ACER3: variants seen among roughly 807,000 people sequenced by gnomAD.
ACER3 encodes the protein alkaline ceramidase 3, also known as alkCDase 3.
ACER3 carries 16 observed loss-of-function variants against 48.9 expected under a neutral mutation model. The ratio of observed to expected loss-of-function variants is 0.33; its 90% CI spans 0.22 to 0.50. The LOEUF (loss-of-function observed/expected upper bound fraction) is 0.50. Ranked by LOEUF, ACER3 falls within the 20% of genes least tolerant of loss-of-function variation. The pLI is 0.98. For synonymous variants in ACER3, 109 were observed against 107.8 expected (o/e 1.01, Z -0.07); for missense variants, 227 against 326.0 (o/e 0.70, Z 2.34).
At chr11:76,904,841 ATGTGTGTGTGTGTG>A in intron 1 of ACER3, among the ~76,000 whole-genome samples, 1 of 147,512 alleles carries the variant, frequency 6.8e-6, no homozygotes. Context: ...TTCTCTATGT[ATGTGTGTGTGTGTG>A]TGTGTGTGTG....
intron 2 of ACER3, among the ~76,000 whole-genome samples, chr11:76,939,662 A>G (rs1444185616): frequency 1.3e-5 from 2 of 152,198 alleles, no homozygotes; most frequent in African/African-American, 2.4e-5. Flanking sequence ...GATATACCAA[A>G]AAGGAAACAT....
At chr11:76,902,971 GTA>G (rs1427321752) in intron 1 of ACER3, among the ~76,000 whole-genome samples, 2 of 152,158 alleles carry the variant, frequency 1.3e-5, no homozygotes, top group Non-Finnish European at 2.9e-5. Flanking sequence ...CCATCTGTAA[GTA>G]TATGTGTAAG....
chr11:76,937,144 TTAA>T (rs1287049874), intron 2 of ACER3, among the ~76,000 whole-genome samples: 8 of 152,248 alleles, frequency 5.3e-5, no homozygotes, highest in Non-Finnish European at 8.8e-5. Flanking sequence ...TTCAGTTTAC[TTAA>T]TAAGAGAAAT....
At chr11:76,867,340 G>A (rs1945115953) in intron 1 of ACER3, among the ~76,000 whole-genome samples, 1 of 151,864 alleles carries the variant, frequency 6.6e-6, no homozygotes, top group Non-Finnish European at 1.5e-5. Flanking sequence ...GTGGTGGTAT[G>A]TGCCTGTAGT....
rs1316422273 is a variant in ACER3, at chr11:77,026,563, C to T, written c.*6236C>T. On this transcript the variant is annotated 3_prime_UTR_variant, in exon 11 of 11. Coordinates refer to ENST00000532485, the MANE Select transcript of ACER3 (RefSeq NM_018367.7). ...TTGTCGCAGATGTTTGTTCTAGTAGCGATTATTTAATAAACATACATTGTA... is the reference window on the plus strand; with the variant it reads ...TTGTCGCAGATGTTTGTTCTAGTAGTGATTATTTAATAAACATACATTGTA... 3.3e-5 allele frequency: 5 copies of T among 152,098 alleles called. No individual in the cohort carries two copies. Among genetic ancestry groups the T allele is most frequent in the Non-Finnish European group, 5.9e-5 (4 of 68,014 alleles). 9.4% of individuals were successfully genotyped at this position (152,098 alleles called of 1,614,324 possible).
chr11:76,912,800 A>G (rs895514881), intron 1 of ACER3, among the ~76,000 whole-genome samples: 3 of 152,198 alleles, frequency 2.0e-5, no homozygotes, highest in Non-Finnish European at 2.9e-5. Flanking sequence ...ACAATAAATC[A>G]TAAAACTATT....
At chr11:76,922,934 G>A (rs1187646257) in intron 1 of ACER3, among the ~76,000 whole-genome samples, 2 of 151,944 alleles carry the variant, frequency 1.3e-5, no homozygotes, top group South Asian at 4.1e-4. Flanking sequence ...TCAGGGTCTA[G>A]CTCAAATCTT....
rs903893796 is a variant in ACER3 at position 77,020,214 on chromosome 11, C to T, written c.751-60C>T. 13 of 1,558,030 alleles carry T rather than the reference C, an allele frequency of 8.3e-6. No homozygotes were observed. In the Admixed American group the frequency reaches 2.0e-4, roughly 24 times the overall value. ...CCATGGATTCTTTCTCATTCTTTTT[C>T]AGGGATAACATGGAACAATTCTGTC... On this transcript the variant is annotated intron_variant, in intron 10 of 10. Transcript: ENST00000532485.
chr11:76,941,030 C>T (rs1947327192), intron 2 of ACER3, among the ~76,000 whole-genome samples: 1 of 135,834 alleles, frequency 7.4e-6, no homozygotes, highest in South Asian at 2.1e-4. Context: ...CACACACACA[C>T]ACACACACAC....
intron 3 of ACER3, among the ~76,000 whole-genome samples, chr11:76,972,863 C>T (rs1948342168): frequency 6.6e-6 from 1 of 152,250 alleles, no homozygotes; most frequent in Non-Finnish European, 1.5e-5. Flanking sequence ...TGTCCAGAGT[C>T]CTCTGCAAAC....
intron 1 of ACER3, among the ~76,000 whole-genome samples, chr11:76,861,682 T>C (rs1944944029): frequency 6.6e-6 from 1 of 152,216 alleles, no homozygotes; most frequent in Admixed American, 6.5e-5. Context: ...ATCTGCTCTC[T>C]GAGTATGATT....
intron 5 of ACER3, among the ~76,000 whole-genome samples, chr11:76,987,925 G>A (rs1948717885): frequency 6.6e-6 from 1 of 152,214 alleles, no homozygotes; most frequent in South Asian, 2.1e-4. Flanking sequence ...GGGTGACAGA[G>A]TGAGGCCCTG....
chr11:76,994,672 G>A (rs911773117), intron 6 of ACER3, among the ~76,000 whole-genome samples: 4 of 152,190 alleles, frequency 2.6e-5, no homozygotes, highest in Non-Finnish European at 5.9e-5. Flanking sequence ...AGAAGTTTGT[G>A]TTTTCAATGT....
intron 2 of ACER3, among the ~76,000 whole-genome samples, chr11:76,940,174 G>T (rs1357249867): frequency 1.3e-5 from 2 of 151,806 alleles, no homozygotes; most frequent in South Asian, 2.1e-4. Flanking sequence ...ATAGAGATGG[G>T]TTCTCACTAT....
chr11:76,871,908 G>GT (rs1436657708), intron 1 of ACER3, among the ~76,000 whole-genome samples: 1 of 152,094 alleles, frequency 6.6e-6, no homozygotes, highest in African/African-American at 2.4e-5. Flanking sequence ...TTGGAATTTG[G>GT]TATCTTGTTG....
chr11:77,021,350 T>A lies in ACER3; in HGVS notation c.*1023T>A, dbSNP rs1057314607. 7 of 152,190 alleles carry A rather than the reference T, an allele frequency of 4.6e-5. No individual in the cohort carries two copies. The highest frequency in any genetic ancestry group is 1.0e-4 in the Non-Finnish European group (7 of 68,038). 9.4% of individuals were successfully genotyped at this position (152,190 alleles called of 1,614,324 possible). ...CATATTAAAATATCTGCTCCTTAAT[T>A]TTCTGAAGGAAATAGATGTAAGTTT... On this transcript the variant is annotated 3_prime_UTR_variant, in exon 11 of 11. Transcript: ENST00000532485.
Position 77,023,453 on chromosome 11 carries a change from A to G in ACER3, c.*3126A>G, listed in dbSNP as rs1433829019. On this transcript the variant is annotated 3_prime_UTR_variant, in exon 11 of 11. Transcript: ENST00000532485. ...CAATTCTGAATTAGCCAATGCCCTA[A>G]AAGCATCTAACAATTTAAGGTTATC... The G allele has an allele frequency of 1.2e-5, 4 of 327,640 alleles. No individual in the cohort carries two copies. Among genetic ancestry groups the G allele is most frequent in the African/African-American group, 4.2e-5 (2 of 47,564 alleles). 20.3% of individuals were successfully genotyped at this position (327,640 alleles called of 1,614,324 possible). A position where few individuals can be genotyped will look rare whatever the true frequency, so the allele number is the denominator to read the frequency against.
intron 1 of ACER3, among the ~76,000 whole-genome samples, chr11:76,871,778 C>G (rs1212563198): frequency 6.6e-6 from 1 of 152,194 alleles, no homozygotes; most frequent in African/African-American, 2.4e-5. Flanking sequence ...TAAATTTCCT[C>G]TACAAGAGAC....
intron 2 of ACER3, among the ~76,000 whole-genome samples, chr11:76,927,266 T>C (rs1946854636): frequency 6.6e-6 from 1 of 152,190 alleles, no homozygotes. Flanking sequence ...TTAATGATCT[T>C]TGCGTCCCTA....
Sources: allele counts gnomAD v4.1 joint callset (sites outside exome capture counted in the v4.1 genomes callset), GRCh38; gene constraint gnomAD v4.1.1; transcripts MANE v1.5; gene names NCBI Gene and HGNC (gene_info 2026-07-23, HGNC 2026-07-21).